The following UTRN variants were observed in gnomAD, a reference collection of about 807,000 sequenced individuals.
The protein encoded by UTRN is utrophin, also known as dystrophin-related protein 1.
A neutral mutation model predicts 463.9 loss-of-function variants in UTRN; 283 were observed. That is an observed-to-expected ratio of 0.61 (90% confidence interval 0.55 to 0.67). UTRN has a LOEUF of 0.67. Among genes scored for constraint, UTRN ranks in the 30% least tolerant of loss-of-function variants. The pLI, the probability that UTRN is intolerant of heterozygous loss-of-function variation, is 0.00. For synonymous variants in UTRN, 1,442 were observed against 1,431.5 expected (o/e 1.01, Z -0.17); for missense variants, 3,922 against 4,084.3 (o/e 0.96, Z 1.08).
chr6:144,605,341 G>T (rs776747701), intron 51 of UTRN, among the ~76,000 whole-genome samples: 2 of 152,058 alleles, frequency 1.3e-5, no homozygotes, highest in Non-Finnish European at 2.9e-5. Context: ...CTGATATCCA[G>T]CATTGGCATA....
At chr6:144,294,971 CT>C (rs1302384887) in intron 2 of UTRN, among the ~76,000 whole-genome samples, 1 of 152,118 alleles carries the variant, frequency 6.6e-6, no homozygotes, top group Non-Finnish European at 1.5e-5. Context: ...AGAATTTGAT[CT>C]ATAATGACCA....
intron 2 of UTRN, among the ~76,000 whole-genome samples, chr6:144,322,348 C>A (rs1323182645): frequency 6.6e-6 from 1 of 152,028 alleles, no homozygotes; most frequent in Non-Finnish European, 1.5e-5. Flanking sequence ...CTGGTGAGCA[C>A]CTGGTGAGCA....
At chr6:144,632,063 G>A (rs976873731) in intron 51 of UTRN, among the ~76,000 whole-genome samples, 4 of 152,170 alleles carry the variant, frequency 2.6e-5, no homozygotes, top group African/African-American at 7.2e-5. Flanking sequence ...ATGCATATCC[G>A]AAAGCTTTCT....
intron 13 of UTRN, among the ~76,000 whole-genome samples, chr6:144,441,098 A>G (rs934504092): frequency 6.6e-6 from 1 of 152,104 alleles, no homozygotes; most frequent in African/African-American, 2.4e-5. Flanking sequence ...ACACAAGCAA[A>G]CCATATCATT....
At chr6:144,726,369 T>C (rs1787884921) in intron 53 of UTRN, among the ~76,000 whole-genome samples, 1 of 152,134 alleles carries the variant, frequency 6.6e-6, no homozygotes, top group Non-Finnish European at 1.5e-5. Flanking sequence ...TCTCTGCTAG[T>C]GTTTAGTTTC....
chr6:144,744,622 CACACACAT>C (rs1466324431), intron 54 of UTRN, among the ~76,000 whole-genome samples: 2,305 of 62,554 alleles, frequency 0.037, 70 homozygotes, highest in African/African-American at 0.24. Context: ...CACACACACA[CACACACAT>C]ACACACACAC....
chr6:144,531,534 C>T (rs940433568), intron 42 of UTRN, among the ~76,000 whole-genome samples: 2 of 152,074 alleles, frequency 1.3e-5, no homozygotes, highest in African/African-American at 4.8e-5. Context: ...ATTTGCATGC[C>T]TCACCTCTGT....
intron 73 of UTRN, among the ~76,000 whole-genome samples, chr6:144,843,213 C>T (rs1040559284): frequency 1.1e-4 from 16 of 152,008 alleles, no homozygotes; most frequent in African/African-American, 3.4e-4. Flanking sequence ...ATATCATGGA[C>T]ATTTTCAATT....
At chr6:144,808,346 G>C (rs895186380) in intron 65 of UTRN, among the ~76,000 whole-genome samples, 17 of 151,716 alleles carry the variant, frequency 1.1e-4, no homozygotes, top group Non-Finnish European at 5.9e-5. Context: ...TAAATAAATA[G>C]TTATATCTTA....
At chr6:144,375,750 G>A (rs1234801543) in intron 2 of UTRN, among the ~76,000 whole-genome samples, 2 of 152,126 alleles carry the variant, frequency 1.3e-5, no homozygotes, top group African/African-American at 2.4e-5. Context: ...CCTGCCAGGC[G>A]GCTGCCTGGG....
In UTRN at chr6:144,700,081, C is replaced by A; in HGVS notation, c.7653-6C>A. On this transcript the variant is annotated splice_region_variant and splice_polypyrimidine_tract_variant and intron_variant, in intron 52 of 74. Coordinates refer to ENST00000367545, the MANE Select transcript of UTRN (RefSeq NM_007124.3). ...GGTTATTATTATTATTATTATCTCT[C>A]AACAGGGCCCATTTGGAGGCCAGCG... The A allele has an allele frequency of 6.3e-7, 1 of 1,586,252 alleles. No individual in the cohort carries two copies.
intron 54 of UTRN, among the ~76,000 whole-genome samples, chr6:144,741,767 C>T (rs960040798): frequency 2.0e-5 from 3 of 152,196 alleles, no homozygotes; most frequent in Admixed American, 2.0e-4. Context: ...CTTTGCTCTT[C>T]CTGCTTCTTT....
At chr6:144,460,745 G>A (rs762485459) in intron 21 of UTRN, among the ~76,000 whole-genome samples, 9 of 152,256 alleles carry the variant, frequency 5.9e-5, no homozygotes, top group Non-Finnish European at 1.0e-4. Context: ...ATTTCTCAGG[G>A]TACCTGGGCA....
intron 51 of UTRN, among the ~76,000 whole-genome samples, chr6:144,611,119 C>T (rs537177157): frequency 1.3e-4 from 20 of 152,266 alleles, no homozygotes; most frequent in East Asian, 7.7e-4. Context: ...ATATGTTCAT[C>T]GCGATAAATG....
intron 51 of UTRN, among the ~76,000 whole-genome samples, chr6:144,578,294 C>G (rs755271891): frequency 6.6e-6 from 1 of 152,208 alleles, no homozygotes; most frequent in South Asian, 2.1e-4. Flanking sequence ...CCATGCCATG[C>G]TCACATCAGT....
intron 65 of UTRN, among the ~76,000 whole-genome samples, chr6:144,813,601 A>G (rs1778821218): frequency 6.6e-6 from 1 of 152,234 alleles, no homozygotes; most frequent in Non-Finnish European, 1.5e-5. Context: ...TAAAACGTAC[A>G]ATGTTTGCAA....
intron 73 of UTRN, among the ~76,000 whole-genome samples, chr6:144,844,457 T>A (rs905178642): frequency 6.6e-6 from 1 of 152,052 alleles, no homozygotes; most frequent in Non-Finnish European, 1.5e-5. Flanking sequence ...TTAGTAGAGA[T>A]CGGGTTTCAC....
Position 144,433,518 on chromosome 6 carries a change from C to T in UTRN, c.856-2417C>T, listed in dbSNP as rs1453443391. Among the ~76,000 whole-genome samples the T allele has an allele frequency of 1.6e-3, 247 of 150,710 alleles. 2 individuals carry two copies. Among genetic ancestry groups the T allele is most frequent in the South Asian group, 4.2e-4 (2 of 4,728 alleles). Reference sequence around the variant, plus strand: ...CTCACTTCCCAGACGGGGTGGCTGCCGGGCAGAGGGGCTCCTCACTTCTCA... The same window carrying T: ...CTCACTTCCCAGACGGGGTGGCTGCTGGGCAGAGGGGCTCCTCACTTCTCA... On this transcript the variant is annotated intron_variant, in intron 9 of 74. Transcript: ENST00000367545.
chr6:144,512,119 A>T (rs1369477307), intron 35 of UTRN, among the ~76,000 whole-genome samples: 1 of 152,192 alleles, frequency 6.6e-6, no homozygotes, highest in Admixed American at 6.5e-5. Context: ...ACTTAATGTT[A>T]CTAAGCTTAA....
Sources: allele counts gnomAD v4.1 joint callset (sites outside exome capture counted in the v4.1 genomes callset), GRCh38; gene constraint gnomAD v4.1.1; transcripts MANE v1.5; gene names NCBI Gene and HGNC (gene_info 2026-07-23, HGNC 2026-07-21).